LOC128462377: variants seen among roughly 807,000 people sequenced by gnomAD.
the LOC128462377 span, among the ~76,000 whole-genome samples, chr16:89,365,417 C>T: frequency 6.6e-6 from 1 of 152,206 alleles, no homozygotes; most frequent in East Asian, 1.9e-4. Flanking sequence ...AGAGTGAGAG[C>T]CACTGAGCCC....
the LOC128462377 span, among the ~76,000 whole-genome samples, chr16:89,322,330 G>C: frequency 1.3e-5 from 2 of 152,240 alleles, no homozygotes; most frequent in Non-Finnish European, 2.9e-5. Context: ...ACAGTATGTT[G>C]ATAGAACAGG....
the LOC128462377 span, chr16:89,320,070 G>T: frequency 6.6e-6 from 1 of 152,294 alleles, no homozygotes; most frequent in South Asian, 2.1e-4. Context: ...GCACTCAGGA[G>T]TCAGGCCAAC....
chr16:89,352,578 C>T, the LOC128462377 span, among the ~76,000 whole-genome samples: 54 of 152,170 alleles, frequency 3.5e-4, no homozygotes, highest in Non-Finnish European at 6.3e-4. Flanking sequence ...CACTTCCTCT[C>T]GCCCTGGCCC....
chr16:89,390,599 A>C, the LOC128462377 span, among the ~76,000 whole-genome samples: 4 of 152,214 alleles, frequency 2.6e-5, no homozygotes, highest in African/African-American at 9.7e-5. Flanking sequence ...AAGGCACATC[A>C]CAGAGGTGAA....
chr16:89,407,579 G>A, the LOC128462377 span, among the ~76,000 whole-genome samples: 1 of 152,198 alleles, frequency 6.6e-6, no homozygotes, highest in Non-Finnish European at 1.5e-5. Context: ...CAAGCACTTT[G>A]GGAGGCCGAG....
At chr16:89,365,183 A>G in the LOC128462377 span, among the ~76,000 whole-genome samples, 1 of 152,216 alleles carries the variant, frequency 6.6e-6, no homozygotes. Flanking sequence ...AATCCTGTCC[A>G]GTGATGACTA....
the LOC128462377 span, among the ~76,000 whole-genome samples, chr16:89,380,135 CAG>C: frequency 3.3e-5 from 5 of 152,076 alleles, no homozygotes; most frequent in African/African-American, 4.8e-5. Context: ...CTTTTTGAGA[CAG>C]AGTCTCATTC....
chr16:89,337,984 C>T, the LOC128462377 span, among the ~76,000 whole-genome samples: 2 of 152,210 alleles, frequency 1.3e-5, no homozygotes, highest in Admixed American at 6.5e-5. Flanking sequence ...CCACGGGTGA[C>T]AAGCAACACA....
chr16:89,346,917 G>C, the LOC128462377 span, among the ~76,000 whole-genome samples: 1 of 152,244 alleles, frequency 6.6e-6, no homozygotes, highest in South Asian at 2.1e-4. Context: ...TATTTTAAAT[G>C]ACCTATAAAA....
At chr16:89,395,646 T>C in the LOC128462377 span, 2 of 152,222 alleles carry the variant, frequency 1.3e-5, no homozygotes, top group Non-Finnish European at 1.5e-5. Flanking sequence ...ATACAGACTC[T>C]TCTAAGGGTG....
the LOC128462377 span, among the ~76,000 whole-genome samples, chr16:89,407,142 G>C: frequency 6.6e-6 from 1 of 151,826 alleles, no homozygotes. Flanking sequence ...GTTGAGACGT[G>C]CCACTGCACT....
the LOC128462377 span, chr16:89,323,199 A>T: frequency 1.4e-6 from 1 of 739,328 alleles, no homozygotes; most frequent in South Asian, 1.5e-5. Flanking sequence ...ACAGGGAGAG[A>T]AGTCTCCAAC....
the LOC128462377 span, among the ~76,000 whole-genome samples, chr16:89,357,060 T>C: frequency 6.6e-6 from 1 of 152,216 alleles, no homozygotes; most frequent in Non-Finnish European, 1.5e-5. Flanking sequence ...TCTAAAAATC[T>C]ACCACAGAAT....
the LOC128462377 span, among the ~76,000 whole-genome samples, chr16:89,379,195 C>T: frequency 5.9e-5 from 9 of 152,240 alleles, no homozygotes; most frequent in Non-Finnish European, 1.0e-4. Flanking sequence ...TGCTGGCAGC[C>T]GGCGGGCTAG....
At chr16:89,341,990 C>CGA in the LOC128462377 span, among the ~76,000 whole-genome samples, 60 of 77,540 alleles carry the variant, frequency 7.7e-4, no homozygotes, top group African/African-American at 2.3e-3. Context: ...CACCTCCACC[C>CGA]ACAGCGGCCA....
the LOC128462377 span, chr16:89,372,825 A>G: frequency 6.6e-6 from 1 of 152,166 alleles, no homozygotes; most frequent in Non-Finnish European, 1.5e-5. Context: ...TGTGGCAGGG[A>G]CTCACTGAAA....
the LOC128462377 span, among the ~76,000 whole-genome samples, chr16:89,334,170 A>AAAAAAAAAAC: frequency 2.9e-5 from 1 of 34,412 alleles, no homozygotes; most frequent in African/African-American, 7.8e-5. Context: ...AAAAAAAAAA[A>AAAAAAAAAAC]AAACAGAGAG....
the LOC128462377 span, among the ~76,000 whole-genome samples, chr16:89,344,553 C>T: frequency 4.6e-5 from 7 of 152,350 alleles, no homozygotes; most frequent in South Asian, 1.2e-3. Flanking sequence ...AAGGCTCCTC[C>T]TTGTCTGAAC....
At chr16:89,376,000 T>A in the LOC128462377 span, among the ~76,000 whole-genome samples, 1 of 151,962 alleles carries the variant, frequency 6.6e-6, no homozygotes, top group East Asian at 1.9e-4. Flanking sequence ...AATCGATAAA[T>A]CCAGCAGAAG....
Sources: gnomAD v4.1 joint callset for allele counts (sites outside exome capture counted in the v4.1 genomes callset) on GRCh38, gnomAD v4.1.1 for gene constraint, MANE v1.5 for transcripts.